SLC17A1: variants seen among roughly 807,000 people sequenced by gnomAD.
SLC17A1 encodes solute carrier family 17 member 1.
A neutral mutation model predicts 53.5 loss-of-function variants in SLC17A1; 51 were observed. The observed-to-expected ratio is 0.95, with a 90% CI of 0.76 to 1.20. The LOEUF (loss-of-function observed/expected upper bound fraction) is 1.20. Ranked by LOEUF, SLC17A1 falls within the 50% of genes most tolerant of loss-of-function variation. The pLI, the probability that SLC17A1 is intolerant of heterozygous loss-of-function variation, is 0.00. For missense variants in SLC17A1, 538 were observed against 568.2 expected, an observed-to-expected ratio of 0.95 and a Z score of 0.54; for synonymous variants, 179 against 198.8, an observed-to-expected ratio of 0.90 and a Z score of 0.84.
At chr6:25,749,919 A>G in the SLC17A1 span, among the ~76,000 whole-genome samples, 1 of 152,236 alleles carries the variant, frequency 6.6e-6, no homozygotes, top group Non-Finnish European at 1.5e-5. Flanking sequence ...CCTGGTCCCA[A>G]CATGAAGATG....
chr6:25,776,618 G>T, the SLC17A1 span: 1 of 1,611,320 alleles, frequency 6.2e-7, no homozygotes, highest in African/African-American at 1.3e-5. Flanking sequence ...CTGCCTTGCC[G>T]TTTGTTGTTG....
At chr6:25,797,610 GTT>G (rs199543659) in intron 12 of SLC17A1, among the ~76,000 whole-genome samples, 1 of 144,840 alleles carries the variant, frequency 6.9e-6, no homozygotes. Flanking sequence ...TTCTACCCCA[GTT>G]TTTTTTTTTT....
chr6:25,786,192 A>G (rs1763379159), intron 12 of SLC17A1, among the ~76,000 whole-genome samples: 4 of 152,268 alleles, frequency 2.6e-5, no homozygotes, highest in Admixed American at 2.6e-4. Context: ...TGAACTTTGA[A>G]AACATGTCAA....
chr6:25,824,914 A>C (rs1764689096), intron 3 of SLC17A1, among the ~76,000 whole-genome samples: 1 of 151,880 alleles, frequency 6.6e-6, no homozygotes. Context: ...CATGTTTAGA[A>C]TCATTTGTTT....
At chr6:25,801,950 T>C (rs144224879) in intron 10 of SLC17A1, among the ~76,000 whole-genome samples, 1 of 152,176 alleles carries the variant, frequency 6.6e-6, no homozygotes, top group African/African-American at 2.4e-5. Context: ...ACATTTATGG[T>C]TATGAACATC....
intron 9 of SLC17A1, 22 bp downstream of exon 9, chr6:25,811,616 A>C (rs1764160856): frequency 6.2e-7 from 1 of 1,613,870 alleles, no homozygotes; most frequent in Non-Finnish European, 8.5e-7. Flanking sequence ...CCAAGTGCTT[A>C]AATGTTCTGG....
At chr6:25,753,134 C>A in the SLC17A1 span, among the ~76,000 whole-genome samples, 4 of 152,182 alleles carry the variant, frequency 2.6e-5, no homozygotes, top group African/African-American at 9.7e-5. Flanking sequence ...CTTGGAAAAT[C>A]TATTTTCAAG....
the SLC17A1 span, chr6:25,726,895 AGT>A: frequency 6.2e-7 from 1 of 1,606,260 alleles, no homozygotes; most frequent in East Asian, 2.2e-5. Context: ...ACGCTGCAGA[AGT>A]GTGTGGTAGC....
intron 10 of SLC17A1, among the ~76,000 whole-genome samples, chr6:25,809,689 G>A (rs942125409): frequency 5.9e-5 from 9 of 151,930 alleles, no homozygotes; most frequent in Non-Finnish European, 8.8e-5. Flanking sequence ...ATGTCTGTAC[G>A]ATCCAAAGCA....
chr6:25,810,557 C>A (rs916080843), intron 10 of SLC17A1, among the ~76,000 whole-genome samples: 2 of 152,056 alleles, frequency 1.3e-5, no homozygotes, highest in Admixed American at 1.3e-4. Context: ...AATGAGATAT[C>A]CCCCTACACC....
At chr6:25,776,980 A>G in the SLC17A1 span, 10 of 1,590,386 alleles carry the variant, frequency 6.3e-6, no homozygotes, top group Non-Finnish European at 8.6e-6. Context: ...CTTTTGCCTC[A>G]TCCTTTCAGA....
In SLC17A1 at chr6:25,805,800, C is replaced by G. The variant is rs540651426; in HGVS notation, c.1179-4820G>C. 2.6e-5 allele frequency among the ~76,000 whole-genome samples: 4 copies of G among 152,078 alleles called. No homozygotes were observed. In the East Asian group the frequency reaches 7.7e-4, roughly 29 times the overall value. ...GGACAAATTCCTGGAAACATACAAC[C>G]CTTCTAGATTAAATTAGGAAAAAAT... On this transcript the variant is annotated intron_variant, in intron 10 of 12. Transcript: ENST00000244527.
chr6:25,748,607 G>A, the SLC17A1 span, among the ~76,000 whole-genome samples: 4 of 152,102 alleles, frequency 2.6e-5, no homozygotes, highest in African/African-American at 7.2e-5. Flanking sequence ...GGAGACCGGC[G>A]CTCAGCATAC....
At chr6:25,726,316 G>C in the SLC17A1 span, 7 of 1,614,140 alleles carry the variant, frequency 4.3e-6, no homozygotes, top group Non-Finnish European at 5.1e-6. Flanking sequence ...GTTATCGCGA[G>C]ACGCATTGCC....
chr6:25,829,769 A>G (rs954313935), intron 2 of SLC17A1, among the ~76,000 whole-genome samples: 2 of 152,200 alleles, frequency 1.3e-5, no homozygotes, highest in African/African-American at 4.8e-5. Flanking sequence ...ATATTTATCA[A>G]AAAAGAAAGA....
intron 3 of SLC17A1, among the ~76,000 whole-genome samples, chr6:25,822,312 G>A (rs1248498485): frequency 2.6e-5 from 4 of 152,040 alleles, no homozygotes; most frequent in Non-Finnish European, 5.9e-5. Context: ...TGCTCTCCAA[G>A]CAAAGCCTCT....
chr6:25,805,360 G>C (rs2151485539), intron 10 of SLC17A1, among the ~76,000 whole-genome samples: 1 of 151,976 alleles, frequency 6.6e-6, no homozygotes, highest in South Asian at 2.1e-4. Context: ...AAAACATCTG[G>C]GATACAGCAA....
intron 3 of SLC17A1, among the ~76,000 whole-genome samples, chr6:25,824,994 CT>C (rs950181929): frequency 1.3e-5 from 2 of 151,908 alleles, no homozygotes; most frequent in Non-Finnish European, 2.9e-5. Flanking sequence ...TTGCTATAAA[CT>C]CTGCTTTGTC....
the SLC17A1 span, among the ~76,000 whole-genome samples, chr6:25,738,114 T>G: frequency 6.6e-6 from 1 of 152,156 alleles, no homozygotes; most frequent in African/African-American, 2.4e-5. Context: ...TAAAAGGAAC[T>G]AGAACATCTA....
Sources: allele counts gnomAD v4.1 joint callset (sites outside exome capture counted in the v4.1 genomes callset), GRCh38; gene constraint gnomAD v4.1.1; transcripts MANE v1.5; gene names NCBI Gene and HGNC (gene_info 2026-07-23, HGNC 2026-07-21).